Variants in C1orf185 observed in about 807,000 individuals in gnomAD.
The protein encoded by C1orf185 is uncharacterized protein C1orf185.
Under a neutral mutation model 16.1 loss-of-function variants are expected in C1orf185, and 13 were observed. That is an observed-to-expected ratio of 0.81 (90% CI 0.53 to 1.28). C1orf185 has a LOEUF of 1.28. Ranked by LOEUF, C1orf185 falls within the 50% of genes most tolerant of loss-of-function variation. The pLI, the probability that C1orf185 is intolerant of heterozygous loss-of-function variation, is 0.00. For missense variants in C1orf185, 220 were observed against 225.2 expected, an observed-to-expected ratio of 0.98 and a Z score of 0.15; for synonymous variants, 80 against 76.9, an observed-to-expected ratio of 1.04 and a Z score of -0.21.
At chr1:51,125,712 C>T (rs563177714) in intron 3 of C1orf185, among the ~76,000 whole-genome samples, 52 of 152,226 alleles carry the variant, frequency 3.4e-4, no homozygotes, top group African/African-American at 1.2e-3. Context: ...AGTTAGAAGG[C>T]AATGCTCAAA....
chr1:51,146,408 G>A (rs544369706), intron 4 of C1orf185, among the ~76,000 whole-genome samples: 6 of 148,544 alleles, frequency 4.0e-5, no homozygotes, highest in Middle Eastern at 3.5e-3. Context: ...GCAGTGAGTC[G>A]AGACTGCACC....
intron 2 of C1orf185, among the ~76,000 whole-genome samples, chr1:51,114,920 C>T (rs1646146901): frequency 6.6e-6 from 1 of 152,218 alleles, no homozygotes; most frequent in South Asian, 2.1e-4. Context: ...TTCCCTCATG[C>T]TCCTTTCCAG....
At chr1:51,138,318 A>T (rs543911156) in intron 3 of C1orf185, among the ~76,000 whole-genome samples, 217 of 152,350 alleles carry the variant, frequency 1.4e-3, no homozygotes, top group African/African-American at 5.0e-3. Context: ...TACTATTTTA[A>T]CCATTTTGAA....
intron 3 of C1orf185, among the ~76,000 whole-genome samples, chr1:51,125,991 C>G (rs1334687170): frequency 6.6e-6 from 1 of 151,992 alleles, no homozygotes; most frequent in Non-Finnish European, 1.5e-5. Context: ...GACCCCAGCT[C>G]TAAAAACAAA....
At chr1:51,151,193 G>A (rs182119600), downstream of C1orf185, among the ~76,000 whole-genome samples, 14 of 152,322 alleles carry the variant, frequency 9.2e-5, no homozygotes, top group East Asian at 2.5e-3. Context: ...ACAACTAAAT[G>A]TAGGAAGTAC....
chr1:51,141,358 G>T (rs1486685337), intron 3 of C1orf185, among the ~76,000 whole-genome samples: 1 of 152,212 alleles, frequency 6.6e-6, no homozygotes, highest in African/African-American at 2.4e-5. Flanking sequence ...GAGTGTGGAG[G>T]CACATGCCTC....
chr1:51,138,728 C>A (rs112820432), intron 3 of C1orf185, among the ~76,000 whole-genome samples: 1 of 151,942 alleles, frequency 6.6e-6, no homozygotes, highest in African/African-American at 2.4e-5. Flanking sequence ...TGCTCTATCG[C>A]CCAGGCTGTA....
In C1orf185 at chr1:51,147,490, G is replaced by A. The variant is rs1557654945; in HGVS notation, c.319G>A (p.Glu107Lys). The change falls in exon 5 of 5, where the codon GAA (glutamate) becomes AAA (lysine). Residue 107 changes from glutamate (E) to lysine (K), a missense_variant. Physicochemically the swap from Glu to Lys is moderately conservative, Grantham distance 56. Transcript: ENST00000371759. ...AGCAATTAAAGATCATTCTAAAGAT[G>A]AACCCCAACTTGCAACAAAAAATAT... Reference protein sequence around the residue: ...IKAIKDHSKDEPQLATKNIIC... With the variant: ...IKAIKDHSKDKPQLATKNIIC... 6.5e-7 allele frequency: 1 copy of A among 1,539,310 alleles called. No individual in the cohort carries two copies. Among genetic ancestry groups the A allele is most frequent in the Non-Finnish European group, 8.8e-7 (1 of 1,142,430 alleles).
At chr1:51,108,930 G>T (rs12033811) in intron 1 of C1orf185, among the ~76,000 whole-genome samples, 1 of 151,964 alleles carries the variant, frequency 6.6e-6, no homozygotes, top group African/African-American at 2.4e-5. Flanking sequence ...TCCTTTAAAT[G>T]TATATGCAGA....
At chr1:51,105,537 C>G (rs1646062807) in intron 1 of C1orf185, among the ~76,000 whole-genome samples, 1 of 152,128 alleles carries the variant, frequency 6.6e-6, no homozygotes. Context: ...TAGCATCTAT[C>G]ATTATCCATT....
At chr1:51,130,378 C>T (rs1318031835) in intron 3 of C1orf185, among the ~76,000 whole-genome samples, 1 of 150,954 alleles carries the variant, frequency 6.6e-6, no homozygotes, top group Non-Finnish European at 1.5e-5. Flanking sequence ...AGACAAGGGC[C>T]TTGCTATGTT....
intron 2 of C1orf185, among the ~76,000 whole-genome samples, chr1:51,113,861 A>G (rs1646140419): frequency 6.6e-6 from 1 of 152,210 alleles, no homozygotes; most frequent in Non-Finnish European, 1.5e-5. Context: ...TCACTTATTC[A>G]TTCTTCCAAC....
chr1:51,134,887 A>G (rs1646311917), intron 3 of C1orf185, among the ~76,000 whole-genome samples: 1 of 152,226 alleles, frequency 6.6e-6, no homozygotes, highest in Non-Finnish European at 1.5e-5. Flanking sequence ...GCCCAGGACC[A>G]GATGGACTCA....
intron 3 of C1orf185, among the ~76,000 whole-genome samples, chr1:51,142,342 G>A (rs1026153214): frequency 2.0e-5 from 3 of 152,098 alleles, no homozygotes; most frequent in East Asian, 1.9e-4. Context: ...GAAAGTCCAC[G>A]ACAGTTATTT....
intron 3 of C1orf185, among the ~76,000 whole-genome samples, chr1:51,121,077 T>C (rs1357814461): frequency 6.6e-6 from 1 of 152,232 alleles, no homozygotes; most frequent in Non-Finnish European, 1.5e-5. Flanking sequence ...TTAACACGTG[T>C]GTTATCTCAC....
chr1:51,134,421 C>A (rs1371403652), intron 3 of C1orf185, among the ~76,000 whole-genome samples: 1 of 151,810 alleles, frequency 6.6e-6, no homozygotes, highest in Non-Finnish European at 1.5e-5. Flanking sequence ...TAACATCAAA[C>A]TAAAAGAACT....
intron 3 of C1orf185, among the ~76,000 whole-genome samples, chr1:51,129,014 A>G (rs1025742255): frequency 6.6e-6 from 1 of 151,830 alleles, no homozygotes; most frequent in African/African-American, 2.4e-5. Context: ...CCTCCTGAGT[A>G]GCTGGGATTA....
intron 3 of C1orf185, among the ~76,000 whole-genome samples, chr1:51,122,467 T>C (rs1196865606): frequency 6.6e-6 from 1 of 152,210 alleles, no homozygotes; most frequent in African/African-American, 2.4e-5. Flanking sequence ...TGTAGATTCA[T>C]AGCAAAACTG....
chr1:51,133,770 A>T (rs1391974162), intron 3 of C1orf185, among the ~76,000 whole-genome samples: 1 of 152,254 alleles, frequency 6.6e-6, no homozygotes, highest in East Asian at 1.9e-4. Flanking sequence ...TCATTGCCAC[A>T]TGGCACATAC....
Sources: gnomAD v4.1 joint callset for allele counts (sites outside exome capture counted in the v4.1 genomes callset) on GRCh38, gnomAD v4.1.1 for gene constraint, MANE v1.5 for transcripts, NCBI Gene and HGNC (gene_info 2026-07-23, HGNC 2026-07-21) for gene names.